SORBS2: variants seen among roughly 807,000 people sequenced by gnomAD.
SORBS2 encodes sorbin and SH3 domain-containing protein 2.
SORBS2 carries 46 observed loss-of-function variants against 97.7 expected under a neutral mutation model. The observed-to-expected ratio is 0.47, with a 90% CI of 0.37 to 0.60. SORBS2 has a LOEUF of 0.60. SORBS2 is among the 20% of genes least tolerant of loss of function. SORBS2 has a pLI of 0.00. For synonymous variants in SORBS2, 476 were observed against 473.4 expected (o/e 1.01, Z -0.07); for missense variants, 1,316 against 1,282.3 (o/e 1.03, Z -0.40).
At chr4:185,881,057 AG>A (rs2099236621) in intron 1 of SORBS2, among the ~76,000 whole-genome samples, 1 of 152,204 alleles carries the variant, frequency 6.6e-6, no homozygotes, top group African/African-American at 2.4e-5. Context: ...GAAGTTGCTG[AG>A]CAAAAGCTTG....
intron 1 of SORBS2, among the ~76,000 whole-genome samples, chr4:185,838,662 C>A (rs777393957): frequency 6.6e-6 from 1 of 152,226 alleles, no homozygotes; most frequent in Non-Finnish European, 1.5e-5. Flanking sequence ...GCCTTGTCTT[C>A]AGTCTCCTTT....
chr4:185,701,559 C>A (rs1009619451), intron 2 of SORBS2, among the ~76,000 whole-genome samples: 1 of 152,168 alleles, frequency 6.6e-6, no homozygotes, highest in African/African-American at 2.4e-5. Flanking sequence ...CCAGAACCCA[C>A]GCTGGGACCA....
intron 1 of SORBS2, among the ~76,000 whole-genome samples, chr4:185,806,108 T>C (rs1160693137): frequency 6.6e-6 from 1 of 152,198 alleles, no homozygotes; most frequent in Non-Finnish European, 1.5e-5. Flanking sequence ...CTCCTCTCAA[T>C]AGGTGGAAGA....
intron 2 of SORBS2, among the ~76,000 whole-genome samples, chr4:185,716,092 C>T (rs1182341619): frequency 6.6e-6 from 1 of 152,210 alleles, no homozygotes; most frequent in Non-Finnish European, 1.5e-5. Context: ...AAAAGTATTT[C>T]ATAACGAAGG....
chr4:185,687,041 A>G (rs1444266827), intron 2 of SORBS2, among the ~76,000 whole-genome samples: 1 of 152,124 alleles, frequency 6.6e-6, no homozygotes, highest in Admixed American at 6.5e-5. Flanking sequence ...TCTGAAGAAC[A>G]TTTTATTTAT....
Position 185,607,776 on chromosome 4 carries a change from C to A in SORBS2, c.2796+4004G>T, listed in dbSNP as rs138308258. Among the ~76,000 whole-genome samples the A allele has an allele frequency of 4.4e-4, 67 of 151,578 alleles. No homozygotes were observed. Among genetic ancestry groups the A allele is most frequent in the Admixed American group, 9.8e-4 (15 of 15,230 alleles). On this transcript the variant is annotated intron_variant, in intron 12 of 14. Coordinates refer to ENST00000418609, the Ensembl canonical transcript of SORBS2. This position sits in a 1 kb window ranked among gnomAD's most constrained non-coding sequence, Gnocchi z 5.2. ...GTGGTGTGATCTCGGCTCACTGCAACCTCTGCCTCCCAGGTTCAAACGATT... is the reference window on the plus strand; with the variant it reads ...GTGGTGTGATCTCGGCTCACTGCAAACTCTGCCTCCCAGGTTCAAACGATT...
rs111641597 is a variant in SORBS2, at chr4:185,733,697, T to C, written c.-198+41530A>G. Among the ~76,000 whole-genome samples, 107 of 152,324 alleles carry C rather than the reference T, an allele frequency of 7.0e-4. 1 individual carries two copies. Among genetic ancestry groups the C allele is most frequent in the African/African-American group, 2.4e-3 (101 of 41,572 alleles). ...GGACAAGGGGATCAGTTACAGTTTC[T>C]TCGCCATGTGCCTTAGACCTACAGC... On this transcript the variant is annotated intron_variant, in intron 2 of 20. Transcript: ENST00000284776.
intron 4 of SORBS2, among the ~76,000 whole-genome samples, chr4:185,669,931 G>C (rs939046084): frequency 2.6e-5 from 4 of 151,962 alleles, no homozygotes; most frequent in African/African-American, 9.7e-5. Context: ...AAGTAAACAT[G>C]TAATAGGGCA....
chr4:185,636,648 A>ATTTTT (rs1228463050), intron 4 of SORBS2, among the ~76,000 whole-genome samples: 5 of 134,006 alleles, frequency 3.7e-5, no homozygotes, highest in Admixed American at 7.5e-5. Context: ...CCAGTTGACT[A>ATTTTT]TTTTTTTTTT....
intron 1 of SORBS2, among the ~76,000 whole-genome samples, chr4:185,831,246 G>A (rs368441399): frequency 1.3e-5 from 2 of 152,282 alleles, no homozygotes; most frequent in African/African-American, 4.8e-5. Flanking sequence ...GACTCCTACA[G>A]GAGCAGATTG....
intron 2 of SORBS2, among the ~76,000 whole-genome samples, chr4:185,769,817 G>A (rs12646825): frequency 0.18 from 27,897 of 152,124 alleles, 2,745 homozygotes; most frequent in Middle Eastern, 0.27. Context: ...AAACAGTAAA[G>A]ATACATCCTA....
chr4:185,841,940 AAATT>A (rs1384085252), intron 1 of SORBS2, among the ~76,000 whole-genome samples: 1 of 152,218 alleles, frequency 6.6e-6, no homozygotes, highest in Admixed American at 6.5e-5. Flanking sequence ...GTGAATTAGA[AAATT>A]AATTCATTCA....
At chr4:185,797,313 T>C (rs2099109541) in intron 1 of SORBS2, among the ~76,000 whole-genome samples, 1 of 152,250 alleles carries the variant, frequency 6.6e-6, no homozygotes, top group Non-Finnish European at 1.5e-5. Context: ...GTTTTCCTCT[T>C]GTCGAATTCA....
chr4:185,888,341 A>G (rs988199167), intron 1 of SORBS2, among the ~76,000 whole-genome samples: 2 of 152,092 alleles, frequency 1.3e-5, no homozygotes, highest in Non-Finnish European at 2.9e-5. Context: ...GGTTGGAGAG[A>G]GACACACAGA....
chr4:185,671,118 A>C (rs74352108), intron 4 of SORBS2, among the ~76,000 whole-genome samples: 1,635 of 152,232 alleles, frequency 0.011, 28 homozygotes, highest in African/African-American at 0.038. Flanking sequence ...TATTGCCTGC[A>C]TTGTAATGAT....
intron 1 of SORBS2, among the ~76,000 whole-genome samples, chr4:185,798,133 A>G (rs1167592042): frequency 2.0e-5 from 3 of 152,188 alleles, no homozygotes; most frequent in Admixed American, 6.6e-5. Context: ...CAAGAATGAT[A>G]GTAATGCCTG....
Position 185,836,660 on chromosome 4 carries a change from C to T in SORBS2, c.-337-61294G>A, listed in dbSNP as rs6846572. Among the ~76,000 whole-genome samples the T allele has an allele frequency of 5.3e-3, 807 of 152,236 alleles. 12 individuals carry two copies. Among genetic ancestry groups the T allele is most frequent in the African/African-American group, 0.018 (758 of 41,528 alleles). On this transcript the variant is annotated intron_variant, in intron 1 of 20. Transcript: ENST00000284776. ...CCAAGGTCACACAAATAGAAAGTGG[C>T]GGGGTCTCTATTCAAACCCAGCTCA...
chr4:185,659,142 C>G (rs1313586623), upstream of SORBS2, among the ~76,000 whole-genome samples: 1 of 152,098 alleles, frequency 6.6e-6, no homozygotes, highest in African/African-American at 2.4e-5. Context: ...TAGTTTGCAT[C>G]AGAAAGTCAT....
At chr4:185,603,300 C>T (rs925019222) in intron 12 of SORBS2, among the ~76,000 whole-genome samples, 20 of 151,670 alleles carry the variant, frequency 1.3e-4, no homozygotes, top group African/African-American at 4.6e-4. Context: ...AAACCACAGA[C>T]AGAAGAGAAA....
Sources: gnomAD v4.1 joint callset for allele counts (sites outside exome capture counted in the v4.1 genomes callset) on GRCh38, gnomAD v4.1.1 for gene constraint, Gnocchi (gnomAD v3.1) non-coding constraint, MANE v1.5 for transcripts, NCBI Gene and HGNC (gene_info 2026-07-23, HGNC 2026-07-21) for gene names.